The following PCCA variants were observed in gnomAD, a reference collection of about 807,000 sequenced individuals.
The protein encoded by PCCA is propionyl-CoA carboxylase subunit alpha.
PCCA carries 74 observed loss-of-function variants against 101.3 expected under a neutral mutation model. That is an observed-to-expected ratio of 0.73 (90% CI 0.61 to 0.89). PCCA has a LOEUF of 0.89. PCCA is among the 40% of genes least tolerant of loss of function. The pLI, the probability that PCCA is intolerant of heterozygous loss-of-function variation, is 0.00. For synonymous variants in PCCA, 294 were observed against 313.6 expected (o/e 0.94, Z 0.66); for missense variants, 891 against 907.0 (o/e 0.98, Z 0.23).
chr13:100,135,157 G>A lies in PCCA; in HGVS notation c.301-19822G>A, dbSNP rs536133023. On this transcript the variant is annotated intron_variant, in intron 4 of 23. Transcript: ENST00000376285. ...ATCTGTAATCCTAGCACTTTGGGAG[G>A]CTGAGGTGGGAGGATCATTGAGCCA... Among the ~76,000 whole-genome samples, 62 of 151,864 alleles carry A rather than the reference G, an allele frequency of 4.1e-4. No homozygotes were observed. The Middle Eastern group carries it at 0.01, about 25-fold the overall frequency.
Position 100,524,374 on chromosome 13 carries a change from C to CGTGTGTGTGTGTGTGTGT in PCCA, c.2041-3280_2041-3263dup, listed in dbSNP as rs1210676697. On this transcript the variant is annotated intron_variant, in intron 22 of 23. Transcript: ENST00000376285. The stretch of plus-strand genomic sequence containing the variant: ...AAACATGTTGAAATTCAATTAAGCT[C>CGTGTGTGTGTGTGTGTGT]GTGTGTGTGTGTGTGTGTGTGTGTG... 3.3e-3 allele frequency among the ~76,000 whole-genome samples: 453 copies of CGTGTGTGTGTGTGTGTGT among 139,154 alleles called. 3 individuals carry two copies. The highest frequency in any genetic ancestry group is 7.6e-3 in the Middle Eastern group (2 of 264). 91.3% of individuals were successfully genotyped at this position (139,154 alleles called of 152,430 possible). A position where few individuals can be genotyped will look rare whatever the true frequency, so the allele number is the denominator to read the frequency against.
chr13:100,154,396 A>T (rs1206728302), intron 4 of PCCA: 1 of 154,610 alleles, frequency 6.5e-6, no homozygotes, highest in Non-Finnish European at 1.4e-5. Context: ...TTAGGAATAA[A>T]TGTAAAATGG....
intron 8 of PCCA, among the ~76,000 whole-genome samples, chr13:100,247,215 GTTTTT>G (rs143058621): frequency 2.8e-5 from 3 of 108,252 alleles, no homozygotes; most frequent in Non-Finnish European, 3.6e-5. Context: ...GCCTGTGTGG[GTTTTT>G]TTTTTTTTTT....
chr13:100,517,860 C>T (rs1362425700), intron 22 of PCCA, among the ~76,000 whole-genome samples: 1 of 152,120 alleles, frequency 6.6e-6, no homozygotes, highest in African/African-American at 2.4e-5. Flanking sequence ...GCTCTTAGCG[C>T]AACTTCTATA....
chr13:100,291,602 G>T (rs1021953874), intron 12 of PCCA, among the ~76,000 whole-genome samples: 23 of 152,212 alleles, frequency 1.5e-4, no homozygotes, highest in Non-Finnish European at 1.6e-4. Flanking sequence ...TCCCCCTGCT[G>T]TGGTTTTTTG....
chr13:100,262,699 C>A lies in PCCA; in HGVS notation c.717-30C>A, dbSNP rs200429797. 6.0e-5 allele frequency: 57 copies of A among 948,396 alleles called. No homozygotes were observed. In the African/African-American group the frequency reaches 6.8e-4, roughly 11 times the overall value. The allele number at this position is 948,396 out of a possible 1,614,324, so 58.7% of individuals were successfully genotyped here. A position where few individuals can be genotyped will look rare whatever the true frequency, so the allele number is the denominator to read the frequency against. On this transcript the variant is annotated intron_variant, in intron 9 of 23. Coordinates refer to ENST00000376285, the MANE Select transcript of PCCA (RefSeq NM_000282.4). ...CTTCCCCTTCCCCTCCCTCTCCCCC[C>A]CTCCTCCTTCTTCCTTCTTTTTTTC...
intron 20 of PCCA, among the ~76,000 whole-genome samples, chr13:100,433,111 A>G (rs538190878): frequency 6.6e-6 from 1 of 152,306 alleles, no homozygotes; most frequent in African/African-American, 2.4e-5. Flanking sequence ...TGGGTGTACA[A>G]ATATCTGTTT....
intron 7 of PCCA, among the ~76,000 whole-genome samples, chr13:100,211,711 G>A (rs781582259): frequency 2.6e-5 from 4 of 151,768 alleles, no homozygotes; most frequent in Admixed American, 1.3e-4. Context: ...TTTTCATGGC[G>A]TCAATTGCCA....
At chr13:100,099,842 G>A (rs2047117386) in intron 1 of PCCA, among the ~76,000 whole-genome samples, 3 of 152,072 alleles carry the variant, frequency 2.0e-5, no homozygotes, top group Admixed American at 6.6e-5. Context: ...ACCTAGATAA[G>A]TACTATTATT....
At chr13:100,296,418 T>G (rs1595172494) in intron 12 of PCCA, among the ~76,000 whole-genome samples, 1 of 144,354 alleles carries the variant, frequency 6.9e-6, no homozygotes, top group East Asian at 2.0e-4. Flanking sequence ...TTTTTTGTAT[T>G]TTTTTTTTTT....
intron 21 of PCCA, among the ~76,000 whole-genome samples, chr13:100,509,476 G>A (rs544882921): frequency 5.9e-5 from 9 of 152,222 alleles, no homozygotes; most frequent in African/African-American, 1.4e-4. Flanking sequence ...CTATATGTGC[G>A]CTTTTGAGAC....
Position 100,394,880 on chromosome 13 carries a change from T to C in PCCA, c.1746+26306T>C, listed in dbSNP as rs1000885690. Among the ~76,000 whole-genome samples the C allele has an allele frequency of 6.6e-6, 1 of 152,210 alleles. No individual in the cohort carries two copies. The highest frequency in any genetic ancestry group is 2.4e-5 in the African/African-American group (1 of 41,448). On this transcript the variant is annotated intron_variant, in intron 19 of 23. Coordinates refer to ENST00000376285, the MANE Select transcript of PCCA (RefSeq NM_000282.4). This position sits in a 1 kb window ranked among gnomAD's most constrained non-coding sequence, Gnocchi z 4.3. The stretch of plus-strand genomic sequence containing the variant: ...ACTGCTTTCTTGTCTTTCCAGTTTG[T>C]GTGTCCAGGGTCTGACGTGCTCCAT...
chr13:100,215,162 T>C (rs925671301), intron 7 of PCCA, among the ~76,000 whole-genome samples: 4 of 152,246 alleles, frequency 2.6e-5, no homozygotes, highest in Non-Finnish European at 5.9e-5. Flanking sequence ...ATTCCTCACA[T>C]AGGCATTCCT....
Position 100,330,547 on chromosome 13 carries a change from C to T in PCCA, c.1430-14C>T, listed in dbSNP as rs1214744040. On this transcript the variant is annotated splice_polypyrimidine_tract_variant and intron_variant, in intron 16 of 23. Coordinates refer to ENST00000376285, the MANE Select transcript of PCCA (RefSeq NM_000282.4). ...GATTCATTGTTCTTCAATTTGATATCATTTTACTTTTAGGTGTTACACATA... is the reference window on the plus strand; with the variant it reads ...GATTCATTGTTCTTCAATTTGATATTATTTTACTTTTAGGTGTTACACATA... 2 of 1,442,986 alleles carry T rather than the reference C, an allele frequency of 1.4e-6. No homozygotes were observed. Among genetic ancestry groups the T allele is most frequent in the Admixed American group, 1.7e-5 (1 of 59,790 alleles). The allele number at this position is 1,442,986 out of a possible 1,614,324, so 89.4% of individuals were successfully genotyped here.
In PCCA at chr13:100,521,607, G is replaced by A. The variant is rs148700625; in HGVS notation, c.2040+6040G>A. On this transcript the variant is annotated intron_variant, in intron 22 of 23. Coordinates refer to ENST00000376285, the MANE Select transcript of PCCA (RefSeq NM_000282.4). ...GGGATATTTACCAGCCTATCTTACCGGCTCAGAGGAAGTTGCTATTAATAT... is the reference window on the plus strand; with the variant it reads ...GGGATATTTACCAGCCTATCTTACCAGCTCAGAGGAAGTTGCTATTAATAT... Among the ~76,000 whole-genome samples the A allele has an allele frequency of 4.7e-3, 718 of 152,236 alleles. 8 individuals carry two copies. The highest frequency in any genetic ancestry group is 0.016 in the African/African-American group (670 of 41,504).
At chr13:100,498,441 C>CA (rs2085435399) in intron 21 of PCCA, among the ~76,000 whole-genome samples, 1 of 152,082 alleles carries the variant, frequency 6.6e-6, no homozygotes, top group East Asian at 1.9e-4. Flanking sequence ...GAAGAGCCTG[C>CA]AAATGAAAGC....
chr13:100,476,726 G>T (rs562304837), intron 21 of PCCA, among the ~76,000 whole-genome samples: 1 of 152,280 alleles, frequency 6.6e-6, no homozygotes, highest in African/African-American at 2.4e-5. Context: ...ACCAGCTGGT[G>T]TACACACTGC....
In PCCA at chr13:100,160,387, C is replaced by G. The variant is rs1166494559; in HGVS notation, c.468+3047C>G. 2.0e-5 allele frequency among the ~76,000 whole-genome samples: 3 copies of G among 152,010 alleles called. No homozygotes were observed. The South Asian group carries it at 6.2e-4, about 32-fold the overall frequency. Reference sequence around the variant, plus strand: ...GTATGGTGGCACGAGCCTTTGATCCCAGCTACGTGGGTGGCTGAGGCAGGA... The same window carrying G: ...GTATGGTGGCACGAGCCTTTGATCCGAGCTACGTGGGTGGCTGAGGCAGGA... On this transcript the variant is annotated intron_variant, in intron 6 of 23. Transcript: ENST00000376285.
At chr13:100,477,972 T>A (rs945419570) in intron 21 of PCCA, among the ~76,000 whole-genome samples, 4 of 152,234 alleles carry the variant, frequency 2.6e-5, no homozygotes, top group African/African-American at 9.6e-5. Context: ...AGCCCTGCGC[T>A]GACGGCCGCT....
Sources: allele counts gnomAD v4.1 joint callset (sites outside exome capture counted in the v4.1 genomes callset), GRCh38; gene constraint gnomAD v4.1.1; non-coding constraint Gnocchi (gnomAD v3.1); transcripts MANE v1.5; gene names NCBI Gene and HGNC (gene_info 2026-07-23, HGNC 2026-07-21).